Variants in ZNF770 observed in about 807,000 individuals in gnomAD.
The protein encoded by ZNF770 is zinc finger protein 770.
In ZNF770, 13 loss-of-function variants were observed where a neutral mutation model predicts 44.8. The ratio of observed to expected loss-of-function variants is 0.29; its 90% CI spans 0.19 to 0.46. The LOEUF (loss-of-function observed/expected upper bound fraction) is 0.46, where lower values mean the gene tolerates loss of function less well. Ranked by LOEUF, ZNF770 falls within the 20% of genes least tolerant of loss-of-function variation. The pLI is 1.00. For synonymous variants in ZNF770, 304 were observed against 271.8 expected (o/e 1.12, Z -1.17); for missense variants, 681 against 797.9 (o/e 0.85, Z 1.77).
chr15:34,982,721 A>G lies in ZNF770; in HGVS notation c.714T>C (p.His238=). 4 of 1,613,596 alleles carry G rather than the reference A, an allele frequency of 2.5e-6. No homozygotes were observed. Among genetic ancestry groups the G allele is most frequent in the Non-Finnish European group, 3.4e-6 (4 of 1,179,952 alleles). The change falls in exon 3 of 3, where the codon CAT becomes CAC. Residue 238 remains histidine, a synonymous_variant. Coordinates refer to ENST00000356321, the MANE Select transcript of ZNF770 (RefSeq NM_014106.4). ...QSKLLKHKQI[H]TRNKAFRALL... is the part of the protein sequence containing the mutation. ...GAGCCCGAAAAGCCTTATTCCTAGT[A>G]TGGATTTGTTTATGCTTCAGAAGTT...
Position 34,982,556 on chromosome 15 carries a change from A to AG in ZNF770, c.878dup (p.Gln295SerfsTer6). 1 of 1,613,972 alleles carries AG rather than the reference A, an allele frequency of 6.2e-7. No individual in the cohort carries two copies. On this transcript the variant is annotated frameshift_variant, in exon 3 of 3. Transcript: ENST00000356321. LOFTEE classifies it high-confidence loss of function. ...ACTTTTCACACTTTGGACATTGAAAAGGGACAATATAAATTGAGTGGACAT... is the reference window on the plus strand; with the variant it reads ...ACTTTTCACACTTTGGACATTGAAAAGGGGACAATATAAATTGAGTGGACAT...
At chr15:34,983,538 T>C (rs1566798832) in intron 2 of ZNF770, 48 bp from the exon 3 acceptor site, 1 of 1,049,004 alleles carries the variant, frequency 9.5e-7, no homozygotes, top group Non-Finnish European at 1.3e-6. Flanking sequence ...TATTTATTCA[T>C]ATGAAAAGTA....
intron 2 of ZNF770, among the ~76,000 whole-genome samples, chr15:34,987,003 G>C (rs977026500): frequency 2.0e-5 from 3 of 152,238 alleles, no homozygotes; most frequent in Non-Finnish European, 4.4e-5. Flanking sequence ...GGCAAAGCCT[G>C]GTAATTGTCC....
chr15:34,987,852 G>A (rs1370649623), intron 1 of ZNF770, among the ~76,000 whole-genome samples, 179 bp from the exon 2 acceptor site: 2 of 152,054 alleles, frequency 1.3e-5, no homozygotes, highest in Non-Finnish European at 2.9e-5. Flanking sequence ...CCAATAATAA[G>A]CACGTAATGG....
At position 34,982,444 on chromosome 15, in the gene ZNF770, T is replaced by C; in HGVS notation, c.991A>G (p.Asn331Asp). The change falls in exon 3 of 3, where the codon AAC (asparagine) becomes GAC (aspartate). Residue 331 changes from asparagine (N) to aspartate (D), a missense_variant. By Grantham distance (23) the Asn-to-Asp change is conservative. Coordinates refer to ENST00000356321, the MANE Select transcript of ZNF770 (RefSeq NM_014106.4). Reference sequence around the variant, plus strand: ...ATTTTTTTAACAATGGTTTTATAGTTGTAGCTTCTTTTGAACCTGCTTGGA... The same window carrying C: ...ATTTTTTTAACAATGGTTTTATAGTCGTAGCTTCTTTTGAACCTGCTTGGA... ...KIPSRFKRSY[N>D]YKTIVKKILA... 1.9e-6 allele frequency: 3 copies of C among 1,613,982 alleles called. No homozygotes were observed. Among genetic ancestry groups the C allele is most frequent in the South Asian group, 1.1e-5 (1 of 91,062 alleles).
intron 2 of ZNF770, among the ~76,000 whole-genome samples, chr15:34,986,790 T>C (rs775356178): frequency 2.0e-5 from 3 of 152,100 alleles, no homozygotes; most frequent in Admixed American, 6.5e-5. Flanking sequence ...GGGTCAAAAA[T>C]GGAGAAAAGT....
rs771298287 is a variant in ZNF770 at position 34,978,612 on chromosome 15, T to G, written c.*2747A>C. On this transcript the variant is annotated 3_prime_UTR_variant, in exon 3 of 3. Coordinates refer to ENST00000356321, the MANE Select transcript of ZNF770 (RefSeq NM_014106.4). ...TATTTTTTCATGAAACCAAAGTAAT[T>G]GATTCAACAATACTAACAGTTCTAG... The G allele has an allele frequency of 6.6e-6, 1 of 152,214 alleles. No homozygotes were observed. Among genetic ancestry groups the G allele is most frequent in the Non-Finnish European group, 1.5e-5 (1 of 68,046 alleles). The allele number at this position is 152,214 out of a possible 1,614,324, so 9.4% of individuals were successfully genotyped here.
Position 34,979,921 on chromosome 15 carries a change from A to G in ZNF770, c.*1438T>C, listed in dbSNP as rs1272807059. ...ATGAAATAAGTCCTTTGTAGTAAAG[A>G]ATATTTCCCAAATCATAACAGTTCT... On this transcript the variant is annotated 3_prime_UTR_variant, in exon 3 of 3. Transcript: ENST00000356321. The G allele has an allele frequency of 2.6e-5, 7 of 270,814 alleles. No individual in the cohort carries two copies. Among genetic ancestry groups the G allele is most frequent in the Non-Finnish European group, 5.1e-5 (7 of 138,390 alleles). 16.8% of individuals were successfully genotyped at this position (270,814 alleles called of 1,614,324 possible). A position where few individuals can be genotyped will look rare whatever the true frequency, so the allele number is the denominator to read the frequency against.
chr15:34,985,970 T>C (rs865926715), intron 2 of ZNF770, among the ~76,000 whole-genome samples: 1 of 152,046 alleles, frequency 6.6e-6, no homozygotes, highest in African/African-American at 2.4e-5. Context: ...GCATACTATA[T>C]AGCAAGGATA....
Position 34,979,560 on chromosome 15 carries a change from T to C in ZNF770, c.*1799A>G. 2.3e-6 allele frequency: 1 copy of C among 426,976 alleles called. No homozygotes were observed. Among genetic ancestry groups the C allele is most frequent in the Non-Finnish European group, 4.7e-6 (1 of 214,830 alleles). The allele number at this position is 426,976 out of a possible 1,614,324, so 26.4% of individuals were successfully genotyped here. ...CACACTTCTACATCACTGGGTATTT[T>C]ACTCAGACTGTCATGTTTCATCTCT... On this transcript the variant is annotated 3_prime_UTR_variant, in exon 3 of 3. Coordinates refer to ENST00000356321, the MANE Select transcript of ZNF770 (RefSeq NM_014106.4).
rs2050412043 is a variant in ZNF770 at position 34,982,901 on chromosome 15, A to G, written c.534T>C (p.His178=). ...GCCTCTGACCAGTATGAATAAGTAC[A>G]TGCCTATCAAGTTTTGACTGTGATG... ...MFPSQSKLDR[H]VLIHTGQRPF... The change falls in exon 3 of 3, where the codon CAT becomes CAC. Residue 178 remains histidine (H), a synonymous_variant. Coordinates refer to ENST00000356321, the MANE Select transcript of ZNF770 (RefSeq NM_014106.4). 6.2e-7 allele frequency: 1 copy of G among 1,613,942 alleles called. No individual in the cohort carries two copies. The highest frequency in any genetic ancestry group is 1.3e-5 in the African/African-American group (1 of 74,934).
Position 34,981,968 on chromosome 15 carries a change from T to C in ZNF770, c.1467A>G (p.Lys489=), listed in dbSNP as rs371125297. The C allele has an allele frequency of 1.2e-6, 2 of 1,613,956 alleles. No homozygotes were observed. Among genetic ancestry groups the C allele is most frequent in the Non-Finnish European group, 1.7e-6 (2 of 1,179,984 alleles). The change falls in exon 3 of 3, where the codon AAA becomes AAG. Residue 489 remains lysine, a synonymous_variant. Transcript: ENST00000356321. ...KCEKVFPSIS[K]LKRHYLIHTG... The stretch of plus-strand genomic sequence containing the variant: ...TATGAATTAAATAGTGTCTTTTTAG[T>C]TTGGATATAGAAGGAAATACCTTCT...
rs1475560300 is a variant in ZNF770 at position 34,979,545 on chromosome 15, C to T, written c.*1814G>A. ...TACATAATAAACAGGCACACTTCTA[C>T]ATCACTGGGTATTTTACTCAGACTG... On this transcript the variant is annotated 3_prime_UTR_variant, in exon 3 of 3. Transcript: ENST00000356321. The T allele has an allele frequency of 9.8e-6, 4 of 407,498 alleles. No individual in the cohort carries two copies. The Admixed American group carries it at 1.2e-4, about 12-fold the overall frequency. The allele number at this position is 407,498 out of a possible 1,614,324, so 25.2% of individuals were successfully genotyped here.
chr15:34,981,651 G>A lies in ZNF770; in HGVS notation c.1784C>T (p.Pro595Leu), dbSNP rs1225639426. ...QDFIPGSTGQ[P>L]CLPNVLLESE... ...TTCCAAAAGTACATTAGGAAGACAG[G>A]GTTGCCCGGTGCTACCAGGAATAAA... Residue 595 changes from proline to leucine, a missense_variant, in exon 3 of 3, where the codon CCC becomes CTC. Pro to Leu is a moderately conservative substitution (Grantham distance 98). Coordinates refer to ENST00000356321, the MANE Select transcript of ZNF770 (RefSeq NM_014106.4). 6.2e-7 allele frequency: 1 copy of A among 1,613,992 alleles called. No individual in the cohort carries two copies. The highest frequency in any genetic ancestry group is 1.7e-5 in the Admixed American group (1 of 60,008).
At chr15:34,984,712 G>A (rs1467358334) in intron 2 of ZNF770, among the ~76,000 whole-genome samples, 1 of 152,024 alleles carries the variant, frequency 6.6e-6, no homozygotes, top group East Asian at 1.9e-4. Flanking sequence ...CAAGCATAGA[G>A]GTAATAAGAT....
intron 2 of ZNF770, among the ~76,000 whole-genome samples, chr15:34,986,647 T>A (rs1219737140): frequency 6.6e-6 from 1 of 152,182 alleles, no homozygotes; most frequent in African/African-American, 2.4e-5. Flanking sequence ...ACAAGGACAC[T>A]GGGTGAGGGT....
Sources: gnomAD v4.1 joint callset for allele counts (sites outside exome capture counted in the v4.1 genomes callset) on GRCh38, gnomAD v4.1.1 for gene constraint, MANE v1.5 for transcripts, NCBI Gene and HGNC (gene_info 2026-07-23, HGNC 2026-07-21) for gene names.